Variants in NUDT7 observed in about 807,000 individuals in gnomAD.
NUDT7 encodes peroxisomal coenzyme A diphosphatase NUDT7.
NUDT7 carries 19 observed loss-of-function variants against 13.1 expected under a neutral mutation model. The ratio of observed to expected loss-of-function variants is 1.45; its 90% CI spans 1.01 to 2.13. The LOEUF (loss-of-function observed/expected upper bound fraction) is 2.13. NUDT7 is among the 30% of genes most tolerant of loss of function. NUDT7 has a pLI of 0.00. For synonymous variants in NUDT7, 132 were observed against 109.7 expected, an observed-to-expected ratio of 1.20 and a Z score of -1.27; for missense variants, 360 against 291.7, an observed-to-expected ratio of 1.23 and a Z score of -1.71.
intron 3 of NUDT7, chr16:77,737,491 G>GTTTT (rs1385000217): frequency 6.8e-6 from 1 of 147,834 alleles, no homozygotes; most frequent in African/African-American, 2.5e-5. Flanking sequence ...TTTTGTTGTT[G>GTTTT]TTGTTGTTTT....
chr16:77,725,610 C>A, intron 2 of NUDT7, 26 bp downstream of exon 2: 1 of 1,609,572 alleles, frequency 6.2e-7, no homozygotes, highest in South Asian at 1.1e-5. Flanking sequence ...ATTTCCTGCC[C>A]TTAAACCTCA....
At chr16:77,738,402 A>T (rs1275588036) in intron 3 of NUDT7, among the ~76,000 whole-genome samples, 1 of 152,186 alleles carries the variant, frequency 6.6e-6, no homozygotes, top group Admixed American at 6.5e-5. Context: ...CAAAGGCTTT[A>T]AAAAGTCTGC....
intron 3 of NUDT7, 143 bp from the exon 4 acceptor site, chr16:77,741,439 T>A: frequency 1.3e-6 from 1 of 791,938 alleles, no homozygotes; most frequent in Non-Finnish European, 1.9e-6. Flanking sequence ...AGGGGGAACA[T>A]AAATTTGTTT....
At chr16:77,730,975 T>G (rs573946482) in intron 2 of NUDT7, among the ~76,000 whole-genome samples, 5 of 152,286 alleles carry the variant, frequency 3.3e-5, no homozygotes, top group African/African-American at 1.2e-4. Flanking sequence ...ATATTTTGGA[T>G]ACTAGCCCCT....
chr16:77,730,535 A>T (rs539358715), intron 2 of NUDT7, among the ~76,000 whole-genome samples: 4 of 152,282 alleles, frequency 2.6e-5, no homozygotes, highest in African/African-American at 9.6e-5. Context: ...GGTTGATTCC[A>T]TGTCTTGGCC....
intron 2 of NUDT7, among the ~76,000 whole-genome samples, chr16:77,726,242 A>G (rs961369179): frequency 1.3e-5 from 2 of 152,230 alleles, no homozygotes; most frequent in South Asian, 4.1e-4. Context: ...TTTCACTTGT[A>G]AAATGAGGAC....
At chr16:77,724,007 A>G (rs2014049527) in intron 1 of NUDT7, among the ~76,000 whole-genome samples, 2 of 152,202 alleles carry the variant, frequency 1.3e-5, no homozygotes, top group Admixed American at 1.3e-4. Context: ...TAGGGCTGCC[A>G]TAACAGAGTA....
At position 77,741,789 on chromosome 16, in the gene NUDT7, T is replaced by TA. The variant is rs1267437313; in HGVS notation, c.557dup (p.Tyr186Ter). The change falls in exon 4 of 4, where the codon TAC (tyrosine) becomes TAAC (stop). Residue 186 changes from tyrosine (Y) to a stop codon, truncating the protein, a stop_gained and frameshift_variant. Transcript: ENST00000268533. LOFTEE classifies it low-confidence loss of function (END_TRUNC). The stretch of plus-strand genomic sequence containing the variant: ...CACAAACCCTGAAGACGGTGTCACT[T>TA]ACCAGATCAAGGGAATGACGGCAAA... ...EYTNPEDGVT[Y>*]QIKGMTANLA... 4.3e-6 allele frequency: 7 copies of TA among 1,614,012 alleles called. No homozygotes were observed. The highest frequency in any genetic ancestry group is 5.9e-6 in the Non-Finnish European group (7 of 1,180,032).
chr16:77,735,457 C>G (rs2014447684), intron 2 of NUDT7: 4 of 663,786 alleles, frequency 6.0e-6, no homozygotes, highest in Non-Finnish European at 8.2e-6. Flanking sequence ...GAGGTCTCCC[C>G]AGAAGCCAAG....
intron 3 of NUDT7, among the ~76,000 whole-genome samples, chr16:77,737,765 G>A (rs189117060): frequency 2.6e-5 from 4 of 152,104 alleles, no homozygotes; most frequent in East Asian, 3.9e-4. Context: ...GACTATAGAC[G>A]TGAGCCACCA....
chr16:77,724,508 A>G (rs995722624), intron 1 of NUDT7, among the ~76,000 whole-genome samples: 3 of 152,004 alleles, frequency 2.0e-5, no homozygotes, highest in Non-Finnish European at 4.4e-5. Flanking sequence ...CCTGGGCCCA[A>G]GCAATTCTCC....
intron 2 of NUDT7, among the ~76,000 whole-genome samples, chr16:77,734,219 C>T (rs1367045082): frequency 1.3e-5 from 2 of 152,148 alleles, no homozygotes; most frequent in East Asian, 3.9e-4. Context: ...AACACAGGCT[C>T]GTAAATTAAA....
chr16:77,735,656 T>C (rs2014456328), intron 2 of NUDT7, 172 bp from the exon 3 acceptor site: 1 of 675,314 alleles, frequency 1.5e-6, no homozygotes, highest in African/African-American at 1.8e-5. Context: ...CAAGGTTCAT[T>C]TCTTAAAAAG....
At chr16:77,726,262 G>A (rs1430693748) in intron 2 of NUDT7, among the ~76,000 whole-genome samples, 1 of 152,164 alleles carries the variant, frequency 6.6e-6, no homozygotes, top group African/African-American at 2.4e-5. Context: ...CAAAATATTA[G>A]TAACTGCTTC....
chr16:77,722,676 C>T, intron 1 of NUDT7, 59 bp downstream of exon 1: 1 of 1,491,632 alleles, frequency 6.7e-7, no homozygotes, highest in Non-Finnish European at 9.2e-7. Flanking sequence ...TTGATCGTAG[C>T]GGAGGCCACC....
At position 77,737,248 on chromosome 16, in the gene NUDT7, G is replaced by A. The variant is rs1429878951; in HGVS notation, c.348+1262G>A. 3.9e-5 allele frequency among the ~76,000 whole-genome samples: 6 copies of A among 152,078 alleles called. No homozygotes were observed. In the South Asian group the frequency reaches 6.2e-4, roughly 16 times the overall value. On this transcript the variant is annotated intron_variant, in intron 3 of 3. Coordinates refer to ENST00000268533, the MANE Select transcript of NUDT7 (RefSeq NM_001105663.3). ...TCTAAGATACCATATTGTATTTTGT[G>A]GTCATGTCTCCTTAGTCCTCTGGTC... is the stretch of plus-strand genomic sequence containing the variant.
intron 2 of NUDT7, among the ~76,000 whole-genome samples, chr16:77,730,513 G>C (rs1026298153): frequency 1.3e-5 from 2 of 152,042 alleles, no homozygotes; most frequent in Non-Finnish European, 2.9e-5. Flanking sequence ...TTCACTTGTT[G>C]ATGGATACTC....
chr16:77,728,528 C>G (rs143129088), intron 2 of NUDT7, among the ~76,000 whole-genome samples: 5 of 152,182 alleles, frequency 3.3e-5, no homozygotes, highest in Non-Finnish European at 7.3e-5. Context: ...TGTGCCACCA[C>G]GCCCAGCCTG....
intron 3 of NUDT7, among the ~76,000 whole-genome samples, chr16:77,737,679 G>A (rs1043510811): frequency 6.6e-6 from 1 of 152,092 alleles, no homozygotes; most frequent in Non-Finnish European, 1.5e-5. Context: ...TAGAGACGGG[G>A]TTTCACCGTG....
Sources: gnomAD v4.1 joint callset for allele counts (sites outside exome capture counted in the v4.1 genomes callset) on GRCh38, gnomAD v4.1.1 for gene constraint, MANE v1.5 for transcripts, NCBI Gene and HGNC (gene_info 2026-07-23, HGNC 2026-07-21) for gene names.